The following GARNL3 variants were observed in gnomAD, a reference collection of about 807,000 sequenced individuals.
The protein encoded by GARNL3 is GTPase-activating Rap/Ran-GAP domain-like protein 3.
A neutral mutation model predicts 125.0 loss-of-function variants in GARNL3; 63 were observed. The observed-to-expected ratio is 0.50, with a 90% confidence interval of 0.41 to 0.62. The LOEUF is 0.62. Among genes scored for constraint, GARNL3 ranks in the 20% least tolerant of loss-of-function variants. The probability of loss-of-function intolerance (pLI) is 0.00; values close to 1 mark genes in which losing one functional copy is unlikely to be tolerated. For synonymous variants in GARNL3, 439 were observed against 457.5 expected (o/e 0.96, Z 0.52); for missense variants, 994 against 1,244.0 (o/e 0.80, Z 3.02).
chr9:127,338,156 T>G lies in GARNL3; in HGVS notation c.1023T>G (p.Asn341Lys), dbSNP rs1250461513. 2 of 1,608,990 alleles carry G rather than the reference T, an allele frequency of 1.2e-6. No homozygotes were observed. The highest frequency in any genetic ancestry group is 2.7e-5 in the African/African-American group (2 of 74,798). The change falls in exon 12 of 28, where the codon AAT becomes AAG. Residue 341 changes from asparagine (N) to lysine (K), a missense_variant. Asn to Lys is a moderately conservative substitution (Grantham distance 94). This residue lies in a region of GARNL3 where 728 missense variants were observed against 865.7 expected (regional missense o/e 0.84). Transcript: ENST00000373387. Reference sequence around the variant, plus strand: ...TGAGATACAATCAACAAAATGACAATTACAGGTAGGTAATGACTTTGTCTC... The same window carrying G: ...TGAGATACAATCAACAAAATGACAAGTACAGGTAGGTAATGACTTTGTCTC... ...ALVRYNQQND[N>K]YRLKIFSEES...
intron 20 of GARNL3, 113 bp from the exon 21 acceptor site, chr9:127,357,106 A>G (rs983165669): frequency 1.9e-6 from 2 of 1,026,618 alleles, no homozygotes; most frequent in African/African-American, 3.2e-5. Context: ...GGGGCTCTGC[A>G]GGAGCCTGGA....
chr9:127,365,152 G>A, intron 21 of GARNL3, 148 bp from the exon 22 acceptor site: 1 of 668,328 alleles, frequency 1.5e-6, no homozygotes, highest in South Asian at 1.8e-5. Flanking sequence ...CCCCCAATGT[G>A]CATTGTGGGT....
chr9:127,297,114 T>C (rs1482029343), intron 2 of GARNL3, among the ~76,000 whole-genome samples: 1 of 152,132 alleles, frequency 6.6e-6, no homozygotes, highest in East Asian at 1.9e-4. Context: ...TTGAACATAA[T>C]TCACCTGTCT....
intron 26 of GARNL3, 147 bp downstream of exon 26, chr9:127,389,266 A>T: frequency 3.2e-6 from 2 of 622,052 alleles, no homozygotes; most frequent in Admixed American, 2.8e-5. Context: ...ATACCTCTAT[A>T]CCAAGGAATA....
chr9:127,248,557 A>G (rs1267190697), intron 2 of GARNL3, among the ~76,000 whole-genome samples: 2 of 148,920 alleles, frequency 1.3e-5, no homozygotes, highest in Non-Finnish European at 3.0e-5. Flanking sequence ...AAACACTGAC[A>G]GCAAGGAAAT....
rs555489517 is a variant in GARNL3 at position 127,292,380 on chromosome 9, C to G, written c.219+1138C>G. Among the ~76,000 whole-genome samples the G allele has an allele frequency of 2.0e-5, 3 of 152,314 alleles. No homozygotes were observed. In the East Asian group the frequency reaches 5.8e-4, roughly 29 times the overall value. ...TCTCCAAATGGCCTGGCCCCTGGGA[C>G]TAGATAGCCTCACCACCACAAGCTC... is the stretch of plus-strand genomic sequence containing the variant. On this transcript the variant is annotated intron_variant, in intron 2 of 27. Transcript: ENST00000373387.
chr9:127,229,826 G>C (rs1044255890), intron 1 of GARNL3, among the ~76,000 whole-genome samples: 29 of 152,202 alleles, frequency 1.9e-4, no homozygotes, highest in African/African-American at 7.0e-4. Flanking sequence ...GGGCTTTTCA[G>C]AATCTGGTTT....
rs1829747154 is a variant in GARNL3, at chr9:127,339,516, T to G, written c.1029-129T>G. On this transcript the variant is annotated intron_variant, in intron 12 of 27. Transcript: ENST00000373387. ...GAAAGACTGGCCCCCATGATTCAGT[T>G]ACCTCTCCCTGGGTCCCACCCATGG... 3.6e-5 allele frequency: 24 copies of G among 666,878 alleles called. No homozygotes were observed. The South Asian group carries it at 4.2e-4, about 12-fold the overall frequency. 41.3% of individuals were successfully genotyped at this position (666,878 alleles called of 1,614,324 possible).
intron 22 of GARNL3, among the ~76,000 whole-genome samples, chr9:127,381,492 G>A (rs1832253414): frequency 6.6e-6 from 1 of 152,186 alleles, no homozygotes; most frequent in Non-Finnish European, 1.5e-5. Context: ...TCTTCTCAGA[G>A]TAACACTACC....
intron 1 of GARNL3, among the ~76,000 whole-genome samples, chr9:127,228,605 G>A (rs747630966): frequency 7.9e-5 from 12 of 152,118 alleles, no homozygotes; most frequent in Admixed American, 2.6e-4. Flanking sequence ...ACACTTTGTC[G>A]ATTTTCCTTT....
At chr9:127,378,857 C>A (rs1454965493) in intron 22 of GARNL3, among the ~76,000 whole-genome samples, 1 of 152,144 alleles carries the variant, frequency 6.6e-6, no homozygotes, top group Non-Finnish European at 1.5e-5. Context: ...CTCACTGCAA[C>A]CTCCGCCTCC....
At chr9:127,344,110 T>C (rs1329544878) in intron 14 of GARNL3, 125 bp from the exon 15 acceptor site, 2 of 685,046 alleles carry the variant, frequency 2.9e-6, no homozygotes. Context: ...TCAATGCTTA[T>C]TGAGTGAATG....
At chr9:127,324,697 A>G (rs537460048) in intron 6 of GARNL3, among the ~76,000 whole-genome samples, 1 of 152,372 alleles carries the variant, frequency 6.6e-6, no homozygotes, top group South Asian at 2.1e-4. Context: ...GTTGTGTACC[A>G]GGTCTTCCAC....
intron 1 of GARNL3, 24 bp downstream of exon 1, chr9:127,265,045 T>TGGTA: frequency 1.3e-6 from 2 of 1,592,442 alleles, no homozygotes; most frequent in Non-Finnish European, 1.7e-6. Context: ...GTCTGTTCAG[T>TGGTA]GGTAGTACAT....
intron 2 of GARNL3, among the ~76,000 whole-genome samples, chr9:127,244,279 C>T (rs1429804738): frequency 6.6e-6 from 1 of 152,162 alleles, no homozygotes; most frequent in Non-Finnish European, 1.5e-5. Context: ...TGCTGGAGGA[C>T]AGGGAAGAGA....
intron 1 of GARNL3, among the ~76,000 whole-genome samples, chr9:127,233,524 A>G (rs1206713121): frequency 6.6e-6 from 1 of 152,242 alleles, no homozygotes; most frequent in Non-Finnish European, 1.5e-5. Flanking sequence ...ACCCAGGGTC[A>G]CAGAATTGGG....
In GARNL3 at chr9:127,384,881, C is replaced by A; in HGVS notation, c.2270-146C>A. 1 of 537,042 alleles carries A rather than the reference C, an allele frequency of 1.9e-6. No individual in the cohort carries two copies. Among genetic ancestry groups the A allele is most frequent in the Non-Finnish European group, 3.4e-6 (1 of 296,712 alleles). 33.3% of individuals were successfully genotyped at this position (537,042 alleles called of 1,614,324 possible). On this transcript the variant is annotated intron_variant, in intron 23 of 27. Coordinates refer to ENST00000373387, the MANE Select transcript of GARNL3 (RefSeq NM_032293.5). This position sits in a 1 kb window ranked among gnomAD's most constrained non-coding sequence, Gnocchi z 4.0. Reference sequence around the variant, plus strand: ...CCAGGCTACCTTAGGATCAGGGTGACTTGCACATGTGAAGGAAGGAGAGAA... The same window carrying A: ...CCAGGCTACCTTAGGATCAGGGTGAATTGCACATGTGAAGGAAGGAGAGAA...
chr9:127,264,835 G>A lies in GARNL3; in HGVS notation c.-43G>A. On this transcript the variant is annotated 5_prime_UTR_variant, in exon 1 of 28. Coordinates refer to ENST00000373387, the MANE Select transcript of GARNL3 (RefSeq NM_032293.5). ...CAAGGAGGCTCCCCTGCAGTGAGGA[G>A]CCGGGGCACTGCAAGTCTGTTCCAT... is the stretch of plus-strand genomic sequence containing the variant. The A allele has an allele frequency of 6.7e-7, 1 of 1,489,774 alleles. No homozygotes were observed. Among genetic ancestry groups the A allele is most frequent in the Non-Finnish European group, 9.0e-7 (1 of 1,107,914 alleles). The allele number at this position is 1,489,774 out of a possible 1,614,324, so 92.3% of individuals were successfully genotyped here.
At chr9:127,237,189 C>A (rs1245185902) in intron 1 of GARNL3, among the ~76,000 whole-genome samples, 1 of 152,186 alleles carries the variant, frequency 6.6e-6, no homozygotes, top group East Asian at 1.9e-4. Flanking sequence ...AGAAGCTGAT[C>A]AATCAAGAAG....
Sources: gnomAD v4.1 joint callset for allele counts (sites outside exome capture counted in the v4.1 genomes callset) on GRCh38, gnomAD v4.1.1 for gene constraint, gnomAD v4.1.1 regional missense constraint, Gnocchi (gnomAD v3.1) non-coding constraint, MANE v1.5 for transcripts, NCBI Gene and HGNC (gene_info 2026-07-23, HGNC 2026-07-21) for gene names.